The following EFTUD2 variants were observed in gnomAD, a reference collection of about 807,000 sequenced individuals.
The protein encoded by EFTUD2 is 116 kDa U5 small nuclear ribonucleoprotein component.
A neutral mutation model predicts 114.3 loss-of-function variants in EFTUD2; 9 were observed. The observed-to-expected ratio is 0.08, with a 90% confidence interval of 0.05 to 0.14. The LOEUF (loss-of-function observed/expected upper bound fraction) is 0.14. EFTUD2 is among the 10% of genes least tolerant of loss of function. The pLI, the probability that EFTUD2 is intolerant of heterozygous loss-of-function variation, is 1.00. For missense variants in EFTUD2, 765 were observed against 1,241.2 expected (o/e 0.62, Z 5.76); for synonymous variants, 449 against 462.3 (o/e 0.97, Z 0.37).
chr17:44,852,640 C>G (rs1282996002), intron 25 of EFTUD2, 78 bp from the exon 26 acceptor site: 56 of 1,529,748 alleles, frequency 3.7e-5, no homozygotes, highest in Non-Finnish European at 5.0e-5. Flanking sequence ...ATTTGCTGTC[C>G]CCCAAATGCA....
rs765293902 is a variant in EFTUD2, at chr17:44,859,962, G to T, written c.1803C>A (p.Pro601=). 6.2e-7 allele frequency: 1 copy of T among 1,614,180 alleles called. No homozygotes were observed. Among genetic ancestry groups the T allele is most frequent in the Non-Finnish European group, 8.5e-7 (1 of 1,180,032 alleles). ...AVEPVNPSEL[P]KMLDGLRKVN... ...CCTTGCGCAGGCCATCAAGCATCTT[G>T]GGCAGCTCTGAGGGGTTGACTGGCT... The change falls in exon 18 of 28, where the codon CCC becomes CCA. Residue 601 remains proline (P), a synonymous_variant. Coordinates refer to ENST00000426333, the MANE Select transcript of EFTUD2 (RefSeq NM_004247.4).
rs773672830 is a variant in EFTUD2 at position 44,853,538 on chromosome 17, G to A, written c.2445C>T (p.Val815=). ...TTACCATGAGGAAGGCAGAGTAGAC[G>A]ACTCTCCTGGCTGTGGGGATGATCT... ...GGQIIPTARR[V]VYSAFLMATP... The change falls in exon 24 of 28, where the codon GTC becomes GTT. Residue 815 remains valine (V), a synonymous_variant. Coordinates refer to ENST00000426333, the MANE Select transcript of EFTUD2 (RefSeq NM_004247.4). 2.5e-6 allele frequency: 4 copies of A among 1,614,186 alleles called. No individual in the cohort carries two copies. In the South Asian group the frequency reaches 3.3e-5, roughly 13 times the overall value.
Position 44,867,880 on chromosome 17 carries a change from T to C in EFTUD2, c.1076A>G (p.Lys359Arg). ...TCTCTGGGAGCTGCTAGTTGGGGCC[T>C]TTTTGGTGAACTTTCGCCTAAAAGG... ...FNPKTRKFTK[K>R]APTSSSQRSF... The change falls in exon 13 of 28, where the codon AAG becomes AGG. Residue 359 changes from lysine to arginine, a missense_variant. Physicochemically the swap from Lys to Arg is conservative, Grantham distance 26. Transcript: ENST00000426333. 1 of 1,597,900 alleles carries C rather than the reference T, an allele frequency of 6.3e-7. No individual in the cohort carries two copies. Among genetic ancestry groups the C allele is most frequent in the Non-Finnish European group, 8.5e-7 (1 of 1,171,608 alleles).
intron 16 of EFTUD2, among the ~76,000 whole-genome samples, chr17:44,861,532 G>A (rs1406878167): frequency 6.6e-6 from 1 of 151,540 alleles, no homozygotes; most frequent in Non-Finnish European, 1.5e-5. Flanking sequence ...AGGAGATCGA[G>A]ACCATTCTGG....
intron 18 of EFTUD2, 55 bp downstream of exon 18, chr17:44,859,850 G>A: frequency 6.2e-7 from 1 of 1,611,378 alleles, no homozygotes; most frequent in Non-Finnish European, 8.5e-7. Context: ...GTGCAGCTCT[G>A]CCCATTCAGC....
chr17:44,896,517 C>T (rs2051387837), intron 1 of EFTUD2, among the ~76,000 whole-genome samples: 2 of 151,978 alleles, frequency 1.3e-5, no homozygotes, highest in African/African-American at 4.8e-5. Flanking sequence ...TGTGGTGGCA[C>T]ACACCTGTAG....
intron 6 of EFTUD2, 35 bp from the exon 7 acceptor site, chr17:44,881,757 T>C (rs1372429027): frequency 6.2e-7 from 1 of 1,608,866 alleles, no homozygotes; most frequent in East Asian, 2.2e-5. Context: ...CCACCTGAGT[T>C]GAGACTGCTC....
At chr17:44,884,110 T>C (rs1017913847) in intron 4 of EFTUD2, 1 of 187,246 alleles carries the variant, frequency 5.3e-6, no homozygotes, top group African/African-American at 2.3e-5. Flanking sequence ...CTACTAAAAA[T>C]ACAAAAATTA....
rs1284236060 is a variant in EFTUD2, at chr17:44,876,002, C to T, written c.801G>A (p.Leu267=). 6.8e-6 allele frequency: 11 copies of T among 1,614,044 alleles called. No individual in the cohort carries two copies. The highest frequency in any genetic ancestry group is 8.5e-6 in the Non-Finnish European group (10 of 1,180,048). ...AATAAGCATCAGTTGGAGGCAGCTTCAGCTCCAGGATCAGCCGGTCAATCT... is the reference window on the plus strand; with the variant it reads ...AATAAGCATCAGTTGGAGGCAGCTTTAGCTCCAGGATCAGCCGGTCAATCT... The part of the protein sequence containing the change: ...INKIDRLILE[L]KLPPTDAYYK... The change falls in exon 10 of 28, where the codon CTG becomes CTA. Residue 267 remains leucine (L), a synonymous_variant. Coordinates refer to ENST00000426333, the MANE Select transcript of EFTUD2 (RefSeq NM_004247.4).
chr17:44,856,771 AAC>A (rs1491011279), intron 20 of EFTUD2, among the ~76,000 whole-genome samples: 5 of 151,798 alleles, frequency 3.3e-5, no homozygotes, highest in African/African-American at 9.7e-5. Context: ...AAAAAAAAAA[AAC>A]AAAAAAACAA....
At chr17:44,891,508 C>T (rs766773445) in intron 2 of EFTUD2, among the ~76,000 whole-genome samples, 1 of 152,172 alleles carries the variant, frequency 6.6e-6, no homozygotes, top group Non-Finnish European at 1.5e-5. Flanking sequence ...TACCACCATG[C>T]TTGGCTAATT....
At chr17:44,894,640 C>A in intron 1 of EFTUD2, 115 bp from the exon 2 acceptor site, 1 of 734,192 alleles carries the variant, frequency 1.4e-6, no homozygotes, top group East Asian at 2.5e-5. Flanking sequence ...TCACATGCCT[C>A]CTCTCCAGTG....
chr17:44,880,493 G>C, intron 8 of EFTUD2, 61 bp downstream of exon 8: 2 of 1,326,126 alleles, frequency 1.5e-6, no homozygotes, highest in Non-Finnish European at 2.2e-6. Flanking sequence ...TCCGAAAAGT[G>C]AGAGGACACA....
chr17:44,863,422 A>G (rs2050692222), intron 15 of EFTUD2: 1 of 443,974 alleles, frequency 2.3e-6, no homozygotes, highest in East Asian at 4.0e-5. Flanking sequence ...CTCACATTTT[A>G]TTATGCTCGT....
chr17:44,889,684 C>A (rs2051243167), intron 2 of EFTUD2, among the ~76,000 whole-genome samples: 1 of 152,172 alleles, frequency 6.6e-6, no homozygotes, highest in Non-Finnish European at 1.5e-5. Flanking sequence ...GCATGCCAAC[C>A]TCTTCCTTAA....
chr17:44,860,032 C>A lies in EFTUD2; in HGVS notation c.1733G>T (p.Arg578Leu). 1 of 1,614,108 alleles carries A rather than the reference C, an allele frequency of 6.2e-7. No individual in the cohort carries two copies. Among genetic ancestry groups the A allele is most frequent in the Non-Finnish European group, 8.5e-7 (1 of 1,180,042 alleles). Residue 578 changes from arginine to leucine, a missense_variant, in exon 18 of 28, where the codon CGA (arginine) becomes CTA (leucine). Arg to Leu is a moderately radical substitution (Grantham distance 102). Transcript: ENST00000426333. ...PRGNEEAQIF[R>L]PLKFNTTSVI... ...AGATGTGGTATTGAACTTCAAGGGT[C>A]GGAAAATCTGAGCCTGAGATCCAAA...
At chr17:44,887,912 C>T (rs1040197472) in intron 2 of EFTUD2, among the ~76,000 whole-genome samples, 25 of 152,344 alleles carry the variant, frequency 1.6e-4, no homozygotes, top group Admixed American at 8.5e-4. Flanking sequence ...TCCAAATAAT[C>T]TAAGGTGGCC....
chr17:44,851,422 A>T, intron 27 of EFTUD2, 53 bp from the exon 28 acceptor site: 1 of 1,440,424 alleles, frequency 6.9e-7, no homozygotes, highest in Non-Finnish European at 9.7e-7. Flanking sequence ...CAGACTAAGC[A>T]AGGAGACTAT....
rs140842704 is a variant in EFTUD2 at position 44,864,994 on chromosome 17, C to T, written c.1221G>A (p.Glu407=). 1.9e-6 allele frequency: 3 copies of T among 1,614,194 alleles called. No homozygotes were observed. The highest frequency in any genetic ancestry group is 1.3e-5 in the African/African-American group (1 of 75,036). ...DELGIHLTKE[E]LKLNIRPLLR... ...GCAAGGGGCGGATGTTCAGCTTCAG[C>T]TCCTCCTTCGTCAGGTGGATGCCAA... Residue 407 remains glutamate, a synonymous_variant, in exon 14 of 28, where the codon GAG becomes GAA. Transcript: ENST00000426333.
Sources: allele counts gnomAD v4.1 joint callset (sites outside exome capture counted in the v4.1 genomes callset), GRCh38; gene constraint gnomAD v4.1.1; transcripts MANE v1.5; gene names NCBI Gene and HGNC (gene_info 2026-07-23, HGNC 2026-07-21).